Variants in ZNF35 observed in about 807,000 individuals in gnomAD.
ZNF35 encodes zinc finger protein 35 (clone HF.10).
A neutral mutation model predicts 45.9 loss-of-function variants in ZNF35; 31 were observed. The observed-to-expected ratio is 0.68, with a 90% CI of 0.51 to 0.91. ZNF35 has a LOEUF of 0.91. Among genes scored for constraint, ZNF35 ranks in the 40% least tolerant of loss-of-function variants. ZNF35 has a pLI of 0.00. For missense variants in ZNF35, 515 were observed against 625.4 expected (o/e 0.82, Z 1.88); for synonymous variants, 205 against 220.2 (o/e 0.93, Z 0.61).
intron 1 of ZNF35, among the ~76,000 whole-genome samples, chr3:44,650,039 T>G (rs1703158962): frequency 6.6e-6 from 1 of 151,872 alleles, no homozygotes. Context: ...GAAAATGGGT[T>G]AGGACTCCCA....
At position 44,659,277 on chromosome 3, in the gene ZNF35, CT is replaced by C; in HGVS notation, c.918del (p.Phe306LeufsTer225). The C allele has an allele frequency of 6.2e-7, 1 of 1,613,882 alleles. No individual in the cohort carries two copies. Among genetic ancestry groups the C allele is most frequent in the Non-Finnish European group, 8.5e-7 (1 of 1,179,940 alleles). ...CAAAAAATCCACTCCTTAGAAAAAACTTTTAAGTGCAATGAATGTGAGAAAG... is the reference window on the plus strand; with the variant it reads ...CAAAAAATCCACTCCTTAGAAAAAACTTTAAGTGCAATGAATGTGAGAAAG... ...VHQKIHSLEK[T>X]FKCNECEKAF... On this transcript the variant is annotated frameshift_variant, in exon 4 of 4. Transcript: ENST00000396056. LOFTEE classifies it high-confidence loss of function. The surrounding 1 kb of genome is among the most constrained non-coding windows in gnomAD (Gnocchi z 4.3).
At position 44,660,068 on chromosome 3, in the gene ZNF35, G is replaced by C; in HGVS notation, c.*121G>C. 2 of 1,079,012 alleles carry C rather than the reference G, an allele frequency of 1.9e-6. No individual in the cohort carries two copies. Among genetic ancestry groups the C allele is most frequent in the Non-Finnish European group, 2.5e-6 (2 of 789,746 alleles). The allele number at this position is 1,079,012 out of a possible 1,614,324, so 66.8% of individuals were successfully genotyped here. A position where few individuals can be genotyped will look rare whatever the true frequency, so the allele number is the denominator to read the frequency against. On this transcript the variant is annotated 3_prime_UTR_variant, in exon 4 of 4. Coordinates refer to ENST00000396056, the MANE Select transcript of ZNF35 (RefSeq NM_003420.4). ...GAGGGCTGTGTCCTTAAAAGTTATA[G>C]TTTTCAGGAATGCAGCAGAAGACAC... is the stretch of plus-strand genomic sequence containing the variant.
chr3:44,646,983 G>T (rs1344107648), upstream of ZNF35: 1 of 152,598 alleles, frequency 6.6e-6, no homozygotes, highest in Non-Finnish European at 1.5e-5. Flanking sequence ...GAAAAAAAAT[G>T]TTAAATTGGA....
At chr3:44,658,428 AGGCAGCG>A (rs1447366394) in intron 3 of ZNF35, among the ~76,000 whole-genome samples, 1 of 152,190 alleles carries the variant, frequency 6.6e-6, no homozygotes, top group Non-Finnish European at 1.5e-5. Context: ...CCCTGGCATG[AGGCAGCG>A]GGCAGCGGGG....
chr3:44,659,198 G>C lies in ZNF35; in HGVS notation c.835G>C (p.Val279Leu), dbSNP rs746153054. 17 of 1,614,014 alleles carry C rather than the reference G, an allele frequency of 1.1e-5. No individual in the cohort carries two copies. The highest frequency in any genetic ancestry group is 1.6e-4 in the Middle Eastern group (1 of 6,084). Residue 279 changes from valine (V) to leucine (L), a missense_variant, in exon 4 of 4, where the codon GTT becomes CTT. Val to Leu is a conservative substitution (Grantham distance 32). Transcript: ENST00000396056. The surrounding 1 kb of genome is among the most constrained non-coding windows in gnomAD (Gnocchi z 4.3). ...QRIHTGQKPY[V>L]CSKCGKAFTQ... The stretch of plus-strand genomic sequence containing the variant: ...AATCCACACTGGACAGAAACCTTAT[G>C]TTTGCTCAAAATGTGGGAAAGCCTT...
In ZNF35 at chr3:44,651,801, C is replaced by G. The variant is rs553876806; in HGVS notation, c.192+542C>G. ...TGAGCCGAATTCATGCCACTGCACT[C>G]TAGCCTGGGCAATAGAGTGAGACCC... On this transcript the variant is annotated intron_variant, in intron 2 of 3. Transcript: ENST00000396056. 2.7e-5 allele frequency among the ~76,000 whole-genome samples: 4 copies of G among 149,836 alleles called. No homozygotes were observed. In the South Asian group the frequency reaches 6.3e-4, roughly 24 times the overall value.
In ZNF35 at chr3:44,659,125, G is replaced by A. The variant is rs1420312555; in HGVS notation, c.762G>A (p.Glu254=). The change falls in exon 4 of 4, where the codon GAG becomes GAA. Residue 254 remains glutamate (E), a synonymous_variant. Transcript: ENST00000396056. The surrounding 1 kb of genome is among the most constrained non-coding windows in gnomAD (Gnocchi z 4.3). The stretch of plus-strand genomic sequence containing the variant: ...GAGAGAAACCCTTTGAATGTCATGA[G>A]TGTGGGAAGGCCTTCATTCAGAGTG... ...HTGEKPFECH[E]CGKAFIQSAN... 3 of 1,613,992 alleles carry A rather than the reference G, an allele frequency of 1.9e-6. No homozygotes were observed. Among genetic ancestry groups the A allele is most frequent in the Non-Finnish European group, 2.5e-6 (3 of 1,180,016 alleles).
At chr3:44,650,394 C>T (rs77559530) in intron 1 of ZNF35, among the ~76,000 whole-genome samples, 22 of 152,244 alleles carry the variant, frequency 1.4e-4, no homozygotes, top group Non-Finnish European at 2.6e-4. Flanking sequence ...TATAAAGACT[C>T]CCAGTCTTTT....
chr3:44,658,208 G>A (rs1026368628), intron 3 of ZNF35, among the ~76,000 whole-genome samples: 1 of 152,116 alleles, frequency 6.6e-6, no homozygotes, highest in Non-Finnish European at 1.5e-5. Context: ...TTGATATCCA[G>A]CATCCTCAGA....
chr3:44,653,099 G>A (rs1220507546), intron 3 of ZNF35, among the ~76,000 whole-genome samples: 6 of 152,188 alleles, frequency 3.9e-5, no homozygotes, highest in Non-Finnish European at 8.8e-5. Flanking sequence ...CTGGACAGGA[G>A]AGCTGCAACT....
At chr3:44,648,361 GCAAAATGTT>G (rs1173110408), upstream of ZNF35, 1 of 152,216 alleles carries the variant, frequency 6.6e-6, no homozygotes, top group African/African-American at 2.4e-5. Flanking sequence ...GGCAAACATA[GCAAAATGTT>G]CATTGTTGAG....
At chr3:44,656,248 C>T (rs756752207) in intron 3 of ZNF35, among the ~76,000 whole-genome samples, 15 of 151,186 alleles carry the variant, frequency 9.9e-5, no homozygotes, top group Non-Finnish European at 4.4e-5. Flanking sequence ...AGTAGGGGGT[C>T]GAGATAGCAG....
upstream of ZNF35, chr3:44,646,705 C>A: frequency 1.8e-6 from 1 of 541,710 alleles, no homozygotes; most frequent in South Asian, 2.7e-5. Context: ...ATGAAAATTT[C>A]GATATGAAAG....
chr3:44,656,773 G>C (rs1318795947), intron 3 of ZNF35, among the ~76,000 whole-genome samples: 3 of 150,872 alleles, frequency 2.0e-5, no homozygotes, highest in Admixed American at 6.6e-5. Context: ...TCTCAGCTCA[G>C]TACAGCCTCC....
chr3:44,653,015 T>A (rs1703232286), intron 3 of ZNF35, among the ~76,000 whole-genome samples: 1 of 152,080 alleles, frequency 6.6e-6, no homozygotes, highest in Admixed American at 6.5e-5. Flanking sequence ...TTTTACTAGG[T>A]GTTTATGTAC....
chr3:44,658,831 T>C lies in ZNF35; in HGVS notation c.468T>C (p.Cys156=), dbSNP rs768016217. 2 of 1,613,532 alleles carry C rather than the reference T, an allele frequency of 1.2e-6. No homozygotes were observed. The highest frequency in any genetic ancestry group is 8.5e-7 in the Non-Finnish European group (1 of 1,179,914). Residue 156 remains cysteine (C), a synonymous_variant, in exon 4 of 4, where the codon TGT becomes TGC. Transcript: ENST00000396056. ...AAGGACCTGAGTTAGGAGAAGCTTG[T>C]GAAAAGGGAAACATGTTAAAGAGGC... ...DPQGPELGEA[C]EKGNMLKRQR... is the part of the protein sequence containing the mutation.
chr3:44,659,198 G>A lies in ZNF35; in HGVS notation c.835G>A (p.Val279Ile). The A allele has an allele frequency of 1.9e-6, 3 of 1,614,132 alleles. No homozygotes were observed. The highest frequency in any genetic ancestry group is 2.5e-6 in the Non-Finnish European group (3 of 1,180,032). Residue 279 changes from valine (V) to isoleucine (I), a missense_variant, in exon 4 of 4, where the codon GTT becomes ATT. This residue lies in a region of ZNF35 where 232 missense variants were observed against 304.6 expected (regional missense o/e 0.76). Coordinates refer to ENST00000396056, the MANE Select transcript of ZNF35 (RefSeq NM_003420.4). The surrounding 1 kb of genome is among the most constrained non-coding windows in gnomAD (Gnocchi z 4.3). ...QRIHTGQKPY[V>I]CSKCGKAFTQ... is the part of the protein sequence containing the mutation. ...AATCCACACTGGACAGAAACCTTAT[G>A]TTTGCTCAAAATGTGGGAAAGCCTT...
intron 1 of ZNF35, among the ~76,000 whole-genome samples, chr3:44,650,410 G>T (rs2125837228): frequency 6.6e-6 from 1 of 151,970 alleles, no homozygotes; most frequent in African/African-American, 2.4e-5. Flanking sequence ...CTTTTTCTTG[G>T]GATCCTTTTG....
chr3:44,655,032 G>C (rs978197012), intron 3 of ZNF35, among the ~76,000 whole-genome samples: 5 of 152,140 alleles, frequency 3.3e-5, no homozygotes, highest in African/African-American at 1.2e-4. Context: ...TACTTGGGAA[G>C]CTGAAGCAGG....
Sources: allele counts gnomAD v4.1 joint callset (sites outside exome capture counted in the v4.1 genomes callset), GRCh38; gene constraint gnomAD v4.1.1; regional missense constraint gnomAD v4.1.1; non-coding constraint Gnocchi (gnomAD v3.1); transcripts MANE v1.5; gene names NCBI Gene and HGNC (gene_info 2026-07-23, HGNC 2026-07-21).